The following TPM4 variants were observed in gnomAD, a reference collection of about 807,000 sequenced individuals.
The protein encoded by TPM4 is tropomyosin 4.
A neutral mutation model predicts 35.8 loss-of-function variants in TPM4; 17 were observed. The ratio of observed to expected loss-of-function variants is 0.47; its 90% confidence interval spans 0.32 to 0.71. TPM4 has a LOEUF of 0.71. TPM4 is among the 30% of genes least tolerant of loss of function. The pLI, the probability that TPM4 is intolerant of heterozygous loss-of-function variation, is 0.03. For synonymous variants in TPM4, 120 were observed against 122.9 expected (o/e 0.98, Z 0.15); for missense variants, 240 against 320.9 (o/e 0.75, Z 1.93).
chr19:16,075,977 G>T, upstream of TPM4: 1 of 1,542,728 alleles, frequency 6.5e-7, no homozygotes, highest in Non-Finnish European at 8.7e-7. Flanking sequence ...TATTGGGGGG[G>T]ACCGCCCCTG....
At chr19:16,093,435 C>A in intron 5 of TPM4, 101 bp from the exon 6 acceptor site, 2 of 1,331,578 alleles carry the variant, frequency 1.5e-6, no homozygotes, top group Non-Finnish European at 2.1e-6. Flanking sequence ...ACCTTGTGAT[C>A]CACCAGCCTC....
At chr19:16,077,761 G>T (rs1248748936) in intron 1 of TPM4, among the ~76,000 whole-genome samples, 3 of 151,896 alleles carry the variant, frequency 2.0e-5, no homozygotes, top group Non-Finnish European at 4.4e-5. Context: ...TTGTGTTGTT[G>T]TTTTTTGTTG....
intron 2 of TPM4, among the ~76,000 whole-genome samples, chr19:16,085,672 C>T (rs569607335): frequency 6.6e-6 from 1 of 152,280 alleles, no homozygotes; most frequent in South Asian, 2.1e-4. Context: ...GTTACTTACC[C>T]TCTCTCTATG....
At position 16,069,881 on chromosome 19, in the gene TPM4, C is replaced by T. The variant is rs139580920; in HGVS notation, c.114+2143C>T. Among the ~76,000 whole-genome samples the T allele has an allele frequency of 8.0e-3, 1,220 of 151,946 alleles. 8 individuals carry two copies. Among genetic ancestry groups the T allele is most frequent in the Non-Finnish European group, 0.013 (903 of 67,942 alleles). ...GCATATGGATGTGAGGGGGGCTGTG[C>T]GAACCTGTGTGTGCGTGTAGGTGAC... On this transcript the variant is annotated intron_variant, in intron 2 of 2. Transcript: ENST00000589897.
intron 2 of TPM4, among the ~76,000 whole-genome samples, chr19:16,069,665 AGT>A (rs773321570): frequency 1.2e-4 from 14 of 118,280 alleles, no homozygotes; most frequent in South Asian, 5.2e-4. Context: ...TGTGTGGATG[AGT>A]GTGTGTTTCT....
At chr19:16,094,058 G>A (rs989414538) in intron 7 of TPM4, among the ~76,000 whole-genome samples, 3 of 145,632 alleles carry the variant, frequency 2.1e-5, no homozygotes, top group East Asian at 2.2e-4. Flanking sequence ...TGCGCCTCCC[G>A]GGTTCAAGTG....
At chr19:16,087,715 G>A (rs535291420) in intron 3 of TPM4, among the ~76,000 whole-genome samples, 1 of 151,456 alleles carries the variant, frequency 6.6e-6, no homozygotes, top group Non-Finnish European at 1.5e-5. Flanking sequence ...ACCCCATCTC[G>A]ACTGAAAATA....
intron 5 of TPM4, among the ~76,000 whole-genome samples, chr19:16,091,972 C>G (rs867863595): frequency 4.6e-5 from 7 of 151,464 alleles, no homozygotes; most frequent in African/African-American, 1.7e-4. Context: ...TCGAGAGCAG[C>G]CTGGCTGGCC....
intron 4 of TPM4, 40 bp downstream of exon 4, chr19:16,088,137 C>G: frequency 7.5e-6 from 12 of 1,589,422 alleles, no homozygotes; most frequent in Non-Finnish European, 1.0e-5. Flanking sequence ...TGGCTCGATT[C>G]CTGGGGCGGA....
In TPM4 at chr19:16,069,754, G is replaced by A. The variant is rs932719900; in HGVS notation, c.114+2016G>A. On this transcript the variant is annotated intron_variant, in intron 2 of 2. Coordinates refer to the TPM4 transcript ENST00000589897. ...AGTGTGTTTCTATTGGGGGGTGTGT[G>A]CATGTGTGGATGAGTGTGTGTTTCG... Among the ~76,000 whole-genome samples, 9 of 146,196 alleles carry A rather than the reference G, an allele frequency of 6.2e-5. No homozygotes were observed. The South Asian group carries it at 1.5e-3, about 25-fold the overall frequency.
upstream of TPM4, among the ~76,000 whole-genome samples, chr19:16,073,123 C>T (rs2090371059): frequency 6.6e-6 from 1 of 152,054 alleles, no homozygotes. Context: ...GTGGGAGGAT[C>T]CCTTGAGCCC....
At chr19:16,082,960 C>G (rs1342067643) in intron 2 of TPM4, among the ~76,000 whole-genome samples, 1 of 145,752 alleles carries the variant, frequency 6.9e-6, no homozygotes, top group East Asian at 2.1e-4. Context: ...CCACTGCACT[C>G]CAGCCTCAGT....
upstream of TPM4, among the ~76,000 whole-genome samples, chr19:16,073,910 C>A (rs1167743510): frequency 7.5e-6 from 1 of 133,654 alleles, no homozygotes; most frequent in Non-Finnish European, 1.5e-5. Flanking sequence ...CCACTGCACT[C>A]CAGCCTGGGA....
chr19:16,088,435 G>A, intron 4 of TPM4: 1 of 1,147,188 alleles, frequency 8.7e-7, no homozygotes, highest in African/African-American at 1.6e-5. Flanking sequence ...ACCTGCTCCA[G>A]AAGGCAGGCT....
chr19:16,088,360 G>T, intron 4 of TPM4: 2 of 1,303,214 alleles, frequency 1.5e-6, no homozygotes, highest in Non-Finnish European at 9.8e-7. Flanking sequence ...CAGCAGGGAA[G>T]CCCAGAAGTC....
In TPM4 at chr19:16,085,285, G is replaced by A. The variant is rs2090535938; in HGVS notation, c.267-1138G>A. On this transcript the variant is annotated intron_variant, in intron 2 of 7. Coordinates refer to ENST00000643579, the MANE Select transcript of TPM4 (RefSeq NM_003290.3). ...AAAATAAATAAATACACAACGTCTT[G>A]CTCTGTCACCCAGGCTGGAGAGCAG... is the stretch of plus-strand genomic sequence containing the variant. Among the ~76,000 whole-genome samples, 3 of 151,734 alleles carry A rather than the reference G, an allele frequency of 2.0e-5. No individual in the cohort carries two copies. In the South Asian group the frequency reaches 6.2e-4, roughly 32 times the overall value.
chr19:16,092,833 G>GCCTGCTTA (rs559777441), intron 5 of TPM4, among the ~76,000 whole-genome samples: 409 of 152,250 alleles, frequency 2.7e-3, no homozygotes, highest in Middle Eastern at 0.01. Flanking sequence ...ACCGTGCCTG[G>GCCTGCTTA]CCTGCTTACT....
chr19:16,071,379 G>T lies in TPM4; in HGVS notation c.114+3641G>T, dbSNP rs2090355653. On this transcript the variant is annotated intron_variant, in intron 2 of 2. Coordinates refer to the TPM4 transcript ENST00000589897. ...TTATTTTATTTTTAGTAGAGACAGG[G>T]TCTCACTATTGCCCAGGCTAGTCTT... Among the ~76,000 whole-genome samples, 3 of 151,782 alleles carry T rather than the reference G, an allele frequency of 2.0e-5. No individual in the cohort carries two copies. The South Asian group carries it at 6.2e-4, about 31-fold the overall frequency.
upstream of TPM4, chr19:16,076,442 G>A (rs1170035138): frequency 4.5e-6 from 6 of 1,345,858 alleles, no homozygotes; most frequent in African/African-American, 1.6e-5. Flanking sequence ...GGGGCGGGGA[G>A]AGGCGGGGGC....
Sources: gnomAD v4.1 joint callset for allele counts (sites outside exome capture counted in the v4.1 genomes callset) on GRCh38, gnomAD v4.1.1 for gene constraint, MANE v1.5 for transcripts, NCBI Gene and HGNC (gene_info 2026-07-23, HGNC 2026-07-21) for gene names.